The following PCDHGA11 variants were observed in gnomAD, a reference collection of about 807,000 sequenced individuals.
PCDHGA11 encodes the protein protocadherin gamma subfamily A, 11, also known as protocadherin gamma-A11.
A neutral mutation model predicts 60.4 loss-of-function variants in PCDHGA11; 39 were observed. The ratio of observed to expected loss-of-function variants is 0.65; its 90% confidence interval spans 0.50 to 0.84. The LOEUF is 0.84. Ranked by LOEUF, PCDHGA11 falls within the 40% of genes least tolerant of loss-of-function variation. PCDHGA11 has a pLI of 0.00. For synonymous variants in PCDHGA11, 533 were observed against 510.3 expected (o/e 1.04, Z -0.60); for missense variants, 1,165 against 1,197.7 (o/e 0.97, Z 0.40).
At chr5:141,479,063 A>G (rs1476826751) in intron 1 of PCDHGA11, among the ~76,000 whole-genome samples, 1 of 152,204 alleles carries the variant, frequency 6.6e-6, no homozygotes, top group African/African-American at 2.4e-5. Context: ...ATAATTTTTT[A>G]TGAATGAAAT....
intron 1 of PCDHGA11, among the ~76,000 whole-genome samples, chr5:141,435,710 C>T (rs1033703743): frequency 1.3e-5 from 2 of 152,148 alleles, no homozygotes; most frequent in Admixed American, 6.5e-5. Flanking sequence ...TGGTTACAGA[C>T]ACTGAATGCT....
At chr5:141,484,287 C>T (rs1432341538) in intron 1 of PCDHGA11, among the ~76,000 whole-genome samples, 1 of 152,268 alleles carries the variant, frequency 6.6e-6, no homozygotes, top group Non-Finnish European at 1.5e-5. Context: ...GAAACATCTC[C>T]CTCTCCTGGC....
chr5:141,494,701 C>G, intron 1 of PCDHGA11, 106 bp from the exon 2 acceptor site: 1 of 1,594,596 alleles, frequency 6.3e-7, no homozygotes, highest in Non-Finnish European at 8.6e-7. Context: ...CCGTTTTCTT[C>G]TCTGTGCCCA....
intron 1 of PCDHGA11, among the ~76,000 whole-genome samples, chr5:141,430,398 C>T (rs2097281985): frequency 6.7e-6 from 1 of 150,224 alleles, no homozygotes. Flanking sequence ...AAAAAAAAAG[C>T]TCACTAAAGT....
At chr5:141,510,286 A>G (rs1011677966) in intron 3 of PCDHGA11, among the ~76,000 whole-genome samples, 1 of 151,770 alleles carries the variant, frequency 6.6e-6, no homozygotes, top group African/African-American at 2.4e-5. Flanking sequence ...AAAAAAAAAA[A>G]AAAAATGCTG....
At chr5:141,478,498 G>T in intron 1 of PCDHGA11, 1 of 1,612,710 alleles carries the variant, frequency 6.2e-7, no homozygotes, top group South Asian at 1.1e-5. Context: ...GCTGTGATCC[G>T]GTGTTCTATA....
rs1305388921 is a variant in PCDHGA11, at chr5:141,421,195, G to C, written c.-33G>C. On this transcript the variant is annotated 5_prime_UTR_variant, in exon 1 of 4. Transcript: ENST00000398587. ...AAGCCGATTCACAACCAACCAGCTC[G>C]AGAAACCGCGGAATATCGGCTTAGA... The C allele has an allele frequency of 1.3e-6, 2 of 1,504,878 alleles. No individual in the cohort carries two copies. The highest frequency in any genetic ancestry group is 1.8e-6 in the Non-Finnish European group (2 of 1,127,424). 93.2% of individuals were successfully genotyped at this position (1,504,878 alleles called of 1,614,324 possible). A position where few individuals can be genotyped will look rare whatever the true frequency, so the allele number is the denominator to read the frequency against.
chr5:141,505,704 G>A (rs770933428), intron 3 of PCDHGA11, among the ~76,000 whole-genome samples: 1 of 152,184 alleles, frequency 6.6e-6, no homozygotes, highest in Non-Finnish European at 1.5e-5. Context: ...GAGCGAACAA[G>A]GAAAAGACTC....
intron 1 of PCDHGA11, among the ~76,000 whole-genome samples, chr5:141,474,312 T>G (rs1358237994): frequency 6.6e-6 from 1 of 152,228 alleles, no homozygotes; most frequent in African/African-American, 2.4e-5. Flanking sequence ...AACTTTAATG[T>G]GTTTTCAAAT....
Position 141,491,925 on chromosome 5 carries a change from G to C in PCDHGA11, c.2434-2882G>C. On this transcript the variant is annotated intron_variant, in intron 1 of 3. Coordinates refer to ENST00000398587, the MANE Select transcript of PCDHGA11 (RefSeq NM_018914.3). This position sits in a 1 kb window ranked among gnomAD's most constrained non-coding sequence, Gnocchi z 6.9. ...GGGTGGTGGCGACTGTGGGCGAGGG[G>C]AGGTGGGACCGACCCCCACCCCTAC... 1 of 1,325,176 alleles carries C rather than the reference G, an allele frequency of 7.5e-7. No individual in the cohort carries two copies. Among genetic ancestry groups the C allele is most frequent in the Non-Finnish European group, 1.0e-6 (1 of 987,300 alleles). The allele number at this position is 1,325,176 out of a possible 1,614,324, so 82.1% of individuals were successfully genotyped here.
rs369206085 is a variant in PCDHGA11 at position 141,490,515 on chromosome 5, G to A, written c.2434-4292G>A. On this transcript the variant is annotated intron_variant, in intron 1 of 3. Transcript: ENST00000398587. The surrounding 1 kb of genome is among the most constrained non-coding windows in gnomAD (Gnocchi z 5.4). ...CATCCCACTATATCATCGAGCTGCT[G>A]GCCAGCGATGCTGGTTCACCTTCCC... The A allele has an allele frequency of 2.3e-5, 37 of 1,613,840 alleles. No individual in the cohort carries two copies. In the Middle Eastern group the frequency reaches 1.2e-3, roughly 50 times the overall value.
chr5:141,484,647 G>C (rs556711906), intron 1 of PCDHGA11, among the ~76,000 whole-genome samples: 1 of 151,948 alleles, frequency 6.6e-6, no homozygotes, highest in African/African-American at 2.4e-5. Context: ...CTCTCCAATG[G>C]CTACTCTCCC....
rs548823035 is a variant in PCDHGA11 at position 141,499,447 on chromosome 5, C to T, written c.2492+4582C>T. ...AGAAAAAAAATTAAAAGGAAAACCA[C>T]CCATCATTTTACAATCTAGGGAGAA... On this transcript the variant is annotated intron_variant, in intron 2 of 3. Transcript: ENST00000398587. Among the ~76,000 whole-genome samples the T allele has an allele frequency of 3.8e-4, 58 of 152,250 alleles. 1 individual carries two copies. In the East Asian group the frequency reaches 9.1e-3, roughly 24 times the overall value.
In PCDHGA11 at chr5:141,432,613, G is replaced by A. The variant is rs1461837957; in HGVS notation, c.2433+8953G>A. 6.2e-7 allele frequency: 1 copy of A among 1,613,946 alleles called. No homozygotes were observed. The highest frequency in any genetic ancestry group is 1.3e-5 in the African/African-American group (1 of 75,056). On this transcript the variant is annotated intron_variant, in intron 1 of 3. Coordinates refer to ENST00000398587, the MANE Select transcript of PCDHGA11 (RefSeq NM_018914.3). The surrounding 1 kb of genome is among the most constrained non-coding windows in gnomAD (Gnocchi z 6.0). ...AGGCCAGCGAGCCGGGACTCTTCTC[G>A]GTGGGTCTGCACACGGGCGAGGTGC...
At chr5:141,455,185 T>C (rs1334330699) in intron 1 of PCDHGA11, among the ~76,000 whole-genome samples, 1 of 152,064 alleles carries the variant, frequency 6.6e-6, no homozygotes, top group Admixed American at 6.6e-5. Flanking sequence ...TTTTTATTTC[T>C]CTACAAATTT....
rs1384790784 is a variant in PCDHGA11, at chr5:141,431,800, G to T, written c.2433+8140G>T. 1 of 1,614,206 alleles carries T rather than the reference G, an allele frequency of 6.2e-7. No individual in the cohort carries two copies. Among genetic ancestry groups the T allele is most frequent in the African/African-American group, 1.3e-5 (1 of 75,054 alleles). ...ACGTGAACGACAATGCCCCAGAAGT[G>T]GTCCTCACCTCTCTCGCCAGCTCGG... On this transcript the variant is annotated intron_variant, in intron 1 of 3. Transcript: ENST00000398587. This position sits in a 1 kb window ranked among gnomAD's most constrained non-coding sequence, Gnocchi z 4.8.
At chr5:141,503,478 C>T (rs1249372985) in intron 2 of PCDHGA11, among the ~76,000 whole-genome samples, 3 of 151,680 alleles carry the variant, frequency 2.0e-5, no homozygotes, top group East Asian at 1.9e-4. Context: ...GTGCACTTGT[C>T]GTCCCAGCTG....
intron 1 of PCDHGA11, among the ~76,000 whole-genome samples, chr5:141,449,589 A>G (rs1196329432): frequency 7.6e-6 from 1 of 131,966 alleles, no homozygotes; most frequent in Non-Finnish European, 1.7e-5. Context: ...ACTCTGTCTC[A>G]AAAAAAAAAA....
chr5:141,487,516 G>A lies in PCDHGA11; in HGVS notation c.2434-7291G>A, dbSNP rs2099648095. On this transcript the variant is annotated intron_variant, in intron 1 of 3. Coordinates refer to ENST00000398587, the MANE Select transcript of PCDHGA11 (RefSeq NM_018914.3). The surrounding 1 kb of genome is among the most constrained non-coding windows in gnomAD (Gnocchi z 5.0). ...CACCCTTGGCTTCTGCACCCACTCG[G>A]AGTGATAGCTTCATGATGGTGAAGT... 6.2e-7 allele frequency: 1 copy of A among 1,614,078 alleles called. No individual in the cohort carries two copies. The highest frequency in any genetic ancestry group is 1.7e-5 in the Admixed American group (1 of 60,010).
Sources: allele counts gnomAD v4.1 joint callset (sites outside exome capture counted in the v4.1 genomes callset), GRCh38; gene constraint gnomAD v4.1.1; non-coding constraint Gnocchi (gnomAD v3.1); transcripts MANE v1.5; gene names NCBI Gene and HGNC (gene_info 2026-07-23, HGNC 2026-07-21).